The following ERCC6 variants were observed in gnomAD, a reference collection of about 807,000 sequenced individuals.
ERCC6 encodes DNA excision repair protein ERCC-6.
In ERCC6, 116 loss-of-function variants were observed where a neutral mutation model predicts 158.7. The ratio of observed to expected loss-of-function variants is 0.73; its 90% CI spans 0.63 to 0.85. The LOEUF is 0.85. ERCC6 is among the 40% of genes least tolerant of loss of function. ERCC6 has a pLI of 0.00. For synonymous variants in ERCC6, 678 were observed against 659.3 expected, an observed-to-expected ratio of 1.03 and a Z score of -0.43; for missense variants, 1,698 against 1,799.4, an observed-to-expected ratio of 0.94 and a Z score of 1.02.
At position 49,532,590 on chromosome 10, in the gene ERCC6, C is replaced by A. The variant is rs1268042997; in HGVS notation, c.375G>T (p.Gln125His). ...NAIHEASRAS[Q>H]LVDVEKEYRS... ...GATACTCCTTCTCCACGTCAACGAG[C>A]TGGGAGGCACGGCTGGCCTCATGGA... Residue 125 changes from glutamine (Q) to histidine (H), a missense_variant, in exon 2 of 21, where the codon CAG (glutamine) becomes CAT (histidine). Gln to His is a conservative substitution (Grantham distance 24). Coordinates refer to ENST00000355832, the MANE Select transcript of ERCC6 (RefSeq NM_000124.4). The A allele has an allele frequency of 1.9e-6, 3 of 1,614,112 alleles. No homozygotes were observed. Among genetic ancestry groups the A allele is most frequent in the Non-Finnish European group, 2.5e-6 (3 of 1,180,056 alleles).
chr10:49,440,959 A>C, the ERCC6 span, among the ~76,000 whole-genome samples: 3 of 152,290 alleles, frequency 2.0e-5, no homozygotes, highest in African/African-American at 7.2e-5. Flanking sequence ...GCATGTTCTA[A>C]TTCCTAGAAT....
chr10:49,510,155 A>T (rs113343547), intron 5 of ERCC6, among the ~76,000 whole-genome samples: 67 of 152,196 alleles, frequency 4.4e-4, no homozygotes, highest in African/African-American at 1.5e-3. Context: ...AGCAACTCAG[A>T]CCCAGCACAA....
chr10:49,529,233 G>C (rs539475170), intron 3 of ERCC6, among the ~76,000 whole-genome samples: 1 of 152,378 alleles, frequency 6.6e-6, no homozygotes, highest in Non-Finnish European at 1.5e-5. Flanking sequence ...AAATACGAGT[G>C]TGGGACAAGG....
chr10:49,458,788 A>T lies in ERCC6; in HGVS notation c.*27T>A. Reference sequence around the variant, plus strand: ...TCAGAAATGCCCGTTAGAAAAAGGGACTTGAAAGTTTAGGAAGCAATGTTG... The same window carrying T: ...TCAGAAATGCCCGTTAGAAAAAGGGTCTTGAAAGTTTAGGAAGCAATGTTG... On this transcript the variant is annotated 3_prime_UTR_variant, in exon 21 of 21. Coordinates refer to ENST00000355832, the MANE Select transcript of ERCC6 (RefSeq NM_000124.4). 1 of 1,611,580 alleles carries T rather than the reference A, an allele frequency of 6.2e-7. No homozygotes were observed. Among genetic ancestry groups the T allele is most frequent in the East Asian group, 2.2e-5 (1 of 44,866 alleles).
chr10:49,443,322 G>T, the ERCC6 span, among the ~76,000 whole-genome samples: 2 of 151,984 alleles, frequency 1.3e-5, no homozygotes, highest in East Asian at 3.9e-4. Flanking sequence ...AAAAGTACAC[G>T]CAAAAAAACT....
In ERCC6 at chr10:49,497,743, G is replaced by A; in HGVS notation, c.1685+2795C>T. Reference sequence around the variant, plus strand: ...ATGGCTAAGTGTACTACAGTGATTAGCATCAATTACCAAACAGACTACAAT... The same window carrying A: ...ATGGCTAAGTGTACTACAGTGATTAACATCAATTACCAAACAGACTACAAT... On this transcript the variant is annotated intron_variant, in intron 7 of 20. Coordinates refer to ENST00000355832, the MANE Select transcript of ERCC6 (RefSeq NM_000124.4). 1.3e-5 allele frequency among the ~76,000 whole-genome samples: 2 copies of A among 152,076 alleles called. 1 individual carries two copies. Among genetic ancestry groups the A allele is most frequent in the East Asian group, 3.9e-4 (2 of 5,194 alleles).
Position 49,470,870 on chromosome 10 carries a change from C to T in ERCC6, c.3090G>A (p.Gln1030=), listed in dbSNP as rs548687511. 8 of 1,613,880 alleles carry T rather than the reference C, an allele frequency of 5.0e-6. No homozygotes were observed. In the African/African-American group the frequency reaches 1.1e-4, roughly 22 times the overall value. Residue 1030 remains glutamine, a synonymous_variant, in exon 18 of 21, where the codon CAG becomes CAA. Transcript: ENST00000355832. ...TTCTTTTTAGATGGCATTTGGGTGT[C>T]TGAACATCTGATCCAGTTCCTGTAA... ...AIFAGTGSDV[Q]TPKCHLKRRI... is the part of the protein sequence containing the mutation.
rs143260457 is a variant in ERCC6, at chr10:49,524,572, C to G, written c.858G>C (p.Lys286Asn). Residue 286 changes from lysine to asparagine, a missense_variant, in exon 5 of 21, where the codon AAG (lysine) becomes AAC (asparagine). Physicochemically the swap from Lys to Asn is moderately conservative, Grantham distance 94. Coordinates refer to ENST00000355832, the MANE Select transcript of ERCC6 (RefSeq NM_000124.4). ...ADQAKLSFER[K>N]KQGCNKRAAR... is the part of the protein sequence containing the mutation. ...CTGCTCTTTTATTACAACCTTGCTTCTTCCTTTCAAAAGACAGTTTTGCTT... is the reference window on the plus strand; with the variant it reads ...CTGCTCTTTTATTACAACCTTGCTTGTTCCTTTCAAAAGACAGTTTTGCTT... The G allele has an allele frequency of 9.6e-5, 155 of 1,614,238 alleles. No homozygotes were observed. Among genetic ancestry groups the G allele is most frequent in the Admixed American group, 3.0e-4 (18 of 60,032 alleles).
chr10:49,516,741 G>T (rs1358737349), intron 5 of ERCC6: 1 of 1,614,142 alleles, frequency 6.2e-7, no homozygotes, highest in Non-Finnish European at 8.5e-7. Context: ...AACTCTACCT[G>T]CTACGGGTTG....
At chr10:49,533,992 G>C (rs1279960414) in intron 1 of ERCC6, among the ~76,000 whole-genome samples, 2 of 151,618 alleles carry the variant, frequency 1.3e-5, no homozygotes, top group African/African-American at 4.8e-5. Flanking sequence ...TAATTGGCTG[G>C]GTATGATGGT....
intron 5 of ERCC6, among the ~76,000 whole-genome samples, chr10:49,507,156 T>C (rs543018225): frequency 2.0e-5 from 3 of 152,294 alleles, no homozygotes; most frequent in Non-Finnish European, 2.9e-5. Flanking sequence ...CCAATGCTAG[T>C]ATGTAGGTAG....
At chr10:49,524,873 A>T (rs1417469563) in intron 4 of ERCC6, 96 bp from the exon 5 acceptor site, 1 of 1,551,956 alleles carries the variant, frequency 6.4e-7, no homozygotes, top group Non-Finnish European at 8.7e-7. Flanking sequence ...AGGCAGCTAC[A>T]AATAACTCAT....
intron 5 of ERCC6, among the ~76,000 whole-genome samples, chr10:49,520,685 A>G (rs1197963837): frequency 6.6e-5 from 10 of 152,124 alleles, no homozygotes; most frequent in Non-Finnish European, 1.5e-4. Context: ...CACTCTTCCC[A>G]ATCCACCCAA....
intron 6 of ERCC6, chr10:49,503,468 C>A (rs2132578961): frequency 6.6e-6 from 1 of 152,196 alleles, no homozygotes; most frequent in Non-Finnish European, 1.5e-5. Context: ...GGGATAGTTA[C>A]AAAGATAGCA....
intron 5 of ERCC6, chr10:49,506,260 T>G: frequency 1.9e-6 from 1 of 522,588 alleles, no homozygotes; most frequent in Non-Finnish European, 3.4e-6. Flanking sequence ...TCTCATTTCA[T>G]TATCAAAACT....
chr10:49,504,699 T>G (rs1281179578), intron 6 of ERCC6: 1 of 152,180 alleles, frequency 6.6e-6, no homozygotes. Context: ...TACCTTTCCA[T>G]AGTTAATTCT....
At chr10:49,467,461 C>T (rs1850697414) in intron 18 of ERCC6, among the ~76,000 whole-genome samples, 1 of 152,098 alleles carries the variant, frequency 6.6e-6, no homozygotes, top group South Asian at 2.1e-4. Flanking sequence ...TGGCATTTCC[C>T]TAATAACTAA....
At chr10:49,436,511 C>T in the ERCC6 span, among the ~76,000 whole-genome samples, 1 of 151,978 alleles carries the variant, frequency 6.6e-6, no homozygotes, top group Non-Finnish European at 1.5e-5. Flanking sequence ...TAAAAATGAA[C>T]AGGAAAAAGA....
At chr10:49,464,031 A>G (rs1174213440) in intron 18 of ERCC6, among the ~76,000 whole-genome samples, 1 of 152,240 alleles carries the variant, frequency 6.6e-6, no homozygotes, top group African/African-American at 2.4e-5. Context: ...GAACTGGGTA[A>G]CAGGTAGAGA....
Sources: allele counts gnomAD v4.1 joint callset (sites outside exome capture counted in the v4.1 genomes callset), GRCh38; gene constraint gnomAD v4.1.1; transcripts MANE v1.5; gene names NCBI Gene and HGNC (gene_info 2026-07-23, HGNC 2026-07-21).